TMEM132E: variants seen among roughly 807,000 people sequenced by gnomAD.
The protein encoded by TMEM132E is transmembrane protein 132E.
Under a neutral mutation model 78.5 loss-of-function variants are expected in TMEM132E, and 49 were observed. That is an observed-to-expected ratio of 0.62 (90% CI 0.50 to 0.79). TMEM132E has a LOEUF of 0.79. TMEM132E is among the 30% of genes least tolerant of loss of function. The pLI, the probability that TMEM132E is intolerant of heterozygous loss-of-function variation, is 0.00. For missense variants in TMEM132E, 1,403 were observed against 1,470.9 expected (o/e 0.95, Z 0.75); for synonymous variants, 715 against 670.6 (o/e 1.07, Z -1.02).
At chr17:34,634,694 C>G (rs1907454378) in intron 6 of TMEM132E, 105 bp from the exon 7 acceptor site, 4 of 1,395,768 alleles carry the variant, frequency 2.9e-6, no homozygotes, top group Non-Finnish European at 3.8e-6. Flanking sequence ...TTTTGCAGAG[C>G]TTCTGGGAAG....
intron 1 of TMEM132E, among the ~76,000 whole-genome samples, chr17:34,595,320 A>G (rs781744168): frequency 5.9e-5 from 9 of 152,258 alleles, no homozygotes; most frequent in Non-Finnish European, 1.3e-4. Context: ...CCCACCTCTT[A>G]GATCATAAGA....
intron 6 of TMEM132E, among the ~76,000 whole-genome samples, chr17:34,633,486 C>CACCT (rs1032283799): frequency 6.6e-6 from 1 of 152,260 alleles, no homozygotes; most frequent in African/African-American, 2.4e-5. Context: ...TAGGCTCAGG[C>CACCT]ACCTGGGTGC....
At chr17:34,629,590 G>C (rs1253821500) in intron 4 of TMEM132E, among the ~76,000 whole-genome samples, 1 of 152,158 alleles carries the variant, frequency 6.6e-6, no homozygotes, top group Admixed American at 6.5e-5. Context: ...TGAGTAGTTT[G>C]TTCAAAAGAA....
At chr17:34,605,593 A>G (rs577828870) in intron 1 of TMEM132E, among the ~76,000 whole-genome samples, 402 of 152,296 alleles carry the variant, frequency 2.6e-3, no homozygotes, top group African/African-American at 9.2e-3. Flanking sequence ...TTATCCTTCA[A>G]AGCCCCCCAC....
At chr17:34,587,499 G>A (rs965551635) in intron 1 of TMEM132E, among the ~76,000 whole-genome samples, 82 of 152,144 alleles carry the variant, frequency 5.4e-4, no homozygotes, top group African/African-American at 1.8e-3. Flanking sequence ...TATTCCTTGC[G>A]TGGTGAGGGT....
At position 34,626,467 on chromosome 17, in the gene TMEM132E, C is replaced by A. The variant is rs751836818; in HGVS notation, c.408C>A (p.Pro136=). 102 of 1,612,910 alleles carry A rather than the reference C, an allele frequency of 6.3e-5. No individual in the cohort carries two copies. The East Asian group carries it at 2.2e-3, about 35-fold the overall frequency. ...VRAFIVRSHV[P]ASQPVVQVLF... ...CCTTCATCGTCCGCTCGCACGTGCC[C>A]GCCTCGCAGCCCGTGGTCCAGGTGC... Residue 136 remains proline, a synonymous_variant, in exon 2 of 9, where the codon CCC becomes CCA. Coordinates refer to ENST00000631683, the MANE Select transcript of TMEM132E (RefSeq NM_001304438.2).
At chr17:34,616,348 G>T (rs1390491784) in intron 1 of TMEM132E, among the ~76,000 whole-genome samples, 1 of 152,200 alleles carries the variant, frequency 6.6e-6, no homozygotes, top group Non-Finnish European at 1.5e-5. Context: ...TGCTTCTCCA[G>T]GATTTACAAC....
At chr17:34,623,431 T>C in intron 1 of TMEM132E, among the ~76,000 whole-genome samples, 1 of 141,198 alleles carries the variant, frequency 7.1e-6, no homozygotes, top group Non-Finnish European at 1.5e-5. Flanking sequence ...CTCTACAGCC[T>C]GGATAGTGAG....
intron 1 of TMEM132E, among the ~76,000 whole-genome samples, chr17:34,616,638 G>C (rs1305826842): frequency 6.6e-6 from 1 of 152,192 alleles, no homozygotes; most frequent in African/African-American, 2.4e-5. Flanking sequence ...GAGAACCCAG[G>C]CTGGTCCTAG....
intron 1 of TMEM132E, among the ~76,000 whole-genome samples, chr17:34,616,522 G>A (rs534654909): frequency 7.9e-4 from 120 of 152,286 alleles, no homozygotes; most frequent in African/African-American, 2.4e-3. Flanking sequence ...TGCTCCTAGC[G>A]CAGCCCAGGC....
At chr17:34,585,671 CCT>C (rs1461821755) in intron 1 of TMEM132E, among the ~76,000 whole-genome samples, 2 of 152,184 alleles carry the variant, frequency 1.3e-5, no homozygotes, top group Non-Finnish European at 2.9e-5. Flanking sequence ...TCTACTATCC[CCT>C]CTCTCTGCAG....
At position 34,581,062 on chromosome 17, in the gene TMEM132E, G is replaced by T; in HGVS notation, c.-15G>T. 1 of 1,539,242 alleles carries T rather than the reference G, an allele frequency of 6.5e-7. No homozygotes were observed. The highest frequency in any genetic ancestry group is 8.7e-7 in the Non-Finnish European group (1 of 1,148,424). On this transcript the variant is annotated 5_prime_UTR_variant, in exon 1 of 9. Transcript: ENST00000631683. ...ACTGTTGCTCTCTCGGACCCCTCCCGCCCCCGCCTCGGCCATGGCCCCGGG... is the reference window on the plus strand; with the variant it reads ...ACTGTTGCTCTCTCGGACCCCTCCCTCCCCCGCCTCGGCCATGGCCCCGGG...
intron 5 of TMEM132E, among the ~76,000 whole-genome samples, chr17:34,630,501 A>T (rs554512303): frequency 6.6e-6 from 1 of 152,316 alleles, no homozygotes; most frequent in South Asian, 2.1e-4. Flanking sequence ...GGGAGAAAGC[A>T]GTGTCAACAA....
intron 1 of TMEM132E, among the ~76,000 whole-genome samples, chr17:34,619,575 C>T (rs563210417): frequency 7.9e-5 from 12 of 152,184 alleles, no homozygotes; most frequent in African/African-American, 2.7e-4. Flanking sequence ...GGGTACTTGT[C>T]ACCATTAACT....
At chr17:34,590,118 A>T (rs970234778) in intron 1 of TMEM132E, among the ~76,000 whole-genome samples, 2 of 152,158 alleles carry the variant, frequency 1.3e-5, no homozygotes, top group Non-Finnish European at 2.9e-5. Flanking sequence ...CCTGCCTGGG[A>T]AGTTCGCCCC....
intron 1 of TMEM132E, among the ~76,000 whole-genome samples, chr17:34,605,913 TC>T (rs1906399118): frequency 6.6e-6 from 1 of 152,292 alleles, no homozygotes; most frequent in South Asian, 2.1e-4. Flanking sequence ...TCTACATGCG[TC>T]CCATTCATTA....
At chr17:34,625,456 G>A (rs554294388) in intron 1 of TMEM132E, among the ~76,000 whole-genome samples, 2 of 152,336 alleles carry the variant, frequency 1.3e-5, no homozygotes, top group African/African-American at 4.8e-5. Context: ...CCAGGTTCAA[G>A]TCCCACTGCT....
At position 34,618,393 on chromosome 17, in the gene TMEM132E, T is replaced by C. The variant is rs867858276; in HGVS notation, c.68-7734T>C. Among the ~76,000 whole-genome samples the C allele has an allele frequency of 8.5e-4, 125 of 147,794 alleles. No homozygotes were observed. In the Middle Eastern group the frequency reaches 0.017, roughly 20 times the overall value. ...GTTGGGACCACAGGTCCACGTCTGG[T>C]GATTTTTTTTTTTTTTTTTTGAGAG... On this transcript the variant is annotated intron_variant, in intron 1 of 8. Transcript: ENST00000631683.
chr17:34,582,012 G>A (rs1049970226), intron 1 of TMEM132E, among the ~76,000 whole-genome samples: 1 of 152,118 alleles, frequency 6.6e-6, no homozygotes, highest in East Asian at 1.9e-4. Flanking sequence ...AGCTGGAGAC[G>A]CTCCAGGAGG....
Sources: allele counts gnomAD v4.1 joint callset (sites outside exome capture counted in the v4.1 genomes callset), GRCh38; gene constraint gnomAD v4.1.1; transcripts MANE v1.5; gene names NCBI Gene and HGNC (gene_info 2026-07-23, HGNC 2026-07-21).